The following COL5A2 variants were observed in gnomAD, a reference collection of about 807,000 sequenced individuals.
COL5A2 encodes collagen type V alpha 2 chain, also known as collagen alpha-2(V) chain.
COL5A2 carries 23 observed loss-of-function variants against 208.2 expected under a neutral mutation model. That is an observed-to-expected ratio of 0.11 (90% confidence interval 0.08 to 0.16). The LOEUF is 0.16. Ranked by LOEUF, COL5A2 falls within the 10% of genes least tolerant of loss-of-function variation. The pLI is 1.00. For missense variants in COL5A2, 1,590 were observed against 1,956.4 expected (o/e 0.81, Z 3.53); for synonymous variants, 625 against 628.5 (o/e 0.99, Z 0.08).
At chr2:189,195,663 T>G (rs1688991041) in intron 1 of COL5A2, among the ~76,000 whole-genome samples, 1 of 152,056 alleles carries the variant, frequency 6.6e-6, no homozygotes, top group African/African-American at 2.4e-5. Flanking sequence ...TAACACCACG[T>G]ATCTACAGCC....
chr2:189,220,210 T>C (rs1359362652), intron 1 of COL5A2, among the ~76,000 whole-genome samples: 1 of 152,150 alleles, frequency 6.6e-6, no homozygotes, highest in Admixed American at 6.5e-5. Context: ...AGGTAGTATA[T>C]TGCTGTGTCC....
the COL5A2 span, among the ~76,000 whole-genome samples, chr2:189,407,815 CTTTGT>C: frequency 2.6e-5 from 4 of 152,156 alleles, no homozygotes; most frequent in Non-Finnish European, 4.4e-5. Context: ...GCTCCATTTC[CTTTGT>C]TTTAAGACAT....
chr2:189,052,032 C>T, intron 41 of COL5A2, 140 bp downstream of exon 41: 1 of 648,988 alleles, frequency 1.5e-6, no homozygotes. Context: ...GAAATACCAG[C>T]ATGCATTATT....
the COL5A2 span, among the ~76,000 whole-genome samples, chr2:189,338,009 T>C: frequency 6.6e-6 from 1 of 152,246 alleles, no homozygotes; most frequent in Non-Finnish European, 1.5e-5. Context: ...GGAAAGATGA[T>C]ATGTTTGGTT....
chr2:189,082,840 G>T (rs1413492499), intron 12 of COL5A2, among the ~76,000 whole-genome samples: 1 of 152,166 alleles, frequency 6.6e-6, no homozygotes, highest in Non-Finnish European at 1.5e-5. Context: ...TGGATGGGTT[G>T]AAAAGGACAT....
chr2:189,273,026 T>G, the COL5A2 span, among the ~76,000 whole-genome samples: 28 of 152,192 alleles, frequency 1.8e-4, no homozygotes, highest in African/African-American at 6.5e-4. Flanking sequence ...CTTTATAGTA[T>G]TCTAAGGAAA....
At chr2:189,247,239 C>G in the COL5A2 span, among the ~76,000 whole-genome samples, 1 of 152,024 alleles carries the variant, frequency 6.6e-6, no homozygotes, top group South Asian at 2.1e-4. Flanking sequence ...TGATGGATGC[C>G]AACAGCACAA....
the COL5A2 span, among the ~76,000 whole-genome samples, chr2:189,300,988 A>G: frequency 6.6e-6 from 1 of 152,090 alleles, no homozygotes; most frequent in African/African-American, 2.4e-5. Context: ...GGAGTTTAAG[A>G]CCACACTGGG....
At chr2:189,038,737 G>A (rs981213600) in intron 51 of COL5A2, among the ~76,000 whole-genome samples, 11 of 152,006 alleles carry the variant, frequency 7.2e-5, no homozygotes, top group African/African-American at 2.4e-4. Context: ...TCGCTCTGTC[G>A]CCCAGGCAGT....
chr2:189,212,025 T>C (rs529101770), intron 1 of COL5A2, among the ~76,000 whole-genome samples: 2 of 152,314 alleles, frequency 1.3e-5, no homozygotes, highest in East Asian at 3.9e-4. Context: ...AAAAATCCCA[T>C]AGCCCACTTT....
At chr2:189,092,862 C>A (rs1057182118) in intron 6 of COL5A2, among the ~76,000 whole-genome samples, 16 of 152,076 alleles carry the variant, frequency 1.1e-4, no homozygotes, top group African/African-American at 2.7e-4. Context: ...CCCTTCCCCC[C>A]AAAATTCAAG....
chr2:189,141,857 C>T (rs1454657824), intron 1 of COL5A2, among the ~76,000 whole-genome samples: 3 of 152,060 alleles, frequency 2.0e-5, no homozygotes, highest in Non-Finnish European at 2.9e-5. Context: ...ATTTTGCTTG[C>T]ATGATTTGAT....
intron 45 of COL5A2, among the ~76,000 whole-genome samples, chr2:189,046,280 A>G (rs1685665548): frequency 6.6e-6 from 1 of 152,218 alleles, no homozygotes; most frequent in South Asian, 2.1e-4. Context: ...GTGAAAACAA[A>G]GAAAATTTTA....
At chr2:189,264,939 T>C in the COL5A2 span, among the ~76,000 whole-genome samples, 3 of 152,166 alleles carry the variant, frequency 2.0e-5, no homozygotes, top group Admixed American at 1.3e-4. Context: ...AATTGATCTT[T>C]TACTTAAGCA....
intron 23 of COL5A2, among the ~76,000 whole-genome samples, chr2:189,066,151 G>T (rs1022212416): frequency 5.9e-5 from 9 of 152,192 alleles, no homozygotes; most frequent in Admixed American, 3.3e-4. Context: ...CTTGTTCACT[G>T]ATATAATTCC....
At chr2:189,374,575 C>A in the COL5A2 span, among the ~76,000 whole-genome samples, 1 of 151,932 alleles carries the variant, frequency 6.6e-6, no homozygotes, top group Non-Finnish European at 1.5e-5. Flanking sequence ...ACTTTTTACT[C>A]AGTATTATAT....
chr2:189,097,440 T>A (rs780171995), intron 5 of COL5A2, 110 bp from the exon 6 acceptor site: 556 of 1,093,638 alleles, frequency 5.1e-4, no homozygotes, highest in Non-Finnish European at 7.0e-4. Context: ...CACACTTAAT[T>A]CAGTTCAGTT....
At chr2:189,296,009 G>T in the COL5A2 span, among the ~76,000 whole-genome samples, 2 of 151,958 alleles carry the variant, frequency 1.3e-5, no homozygotes, top group East Asian at 1.9e-4. Context: ...GGTTTCTGAA[G>T]TTTTTTAATC....
At chr2:189,309,741 T>G in the COL5A2 span, among the ~76,000 whole-genome samples, 1 of 152,230 alleles carries the variant, frequency 6.6e-6, no homozygotes, top group Non-Finnish European at 1.5e-5. Context: ...CCGCAGACCT[T>G]TATGGATTTG....
Sources: gnomAD v4.1 joint callset for allele counts (sites outside exome capture counted in the v4.1 genomes callset) on GRCh38, gnomAD v4.1.1 for gene constraint, MANE v1.5 for transcripts, NCBI Gene and HGNC (gene_info 2026-07-23, HGNC 2026-07-21) for gene names.